CNTNAP2: variants seen among roughly 807,000 people sequenced by gnomAD.
The protein encoded by CNTNAP2 is contactin-associated protein-like 2.
CNTNAP2 carries 98 observed loss-of-function variants against 155.2 expected under a neutral mutation model. That is an observed-to-expected ratio of 0.63 (90% CI 0.54 to 0.75). The LOEUF is 0.75. CNTNAP2 is among the 30% of genes least tolerant of loss of function. The pLI is 0.00. For missense variants in CNTNAP2, 1,727 were observed against 1,688.1 expected (o/e 1.02, Z -0.40); for synonymous variants, 651 against 631.2 (o/e 1.03, Z -0.47).
chr7:147,260,687 G>C (rs1027412309), intron 8 of CNTNAP2, among the ~76,000 whole-genome samples: 1 of 152,136 alleles, frequency 6.6e-6, no homozygotes, highest in African/African-American at 2.4e-5. Context: ...TTCTCATATT[G>C]TACAATGTTC....
rs571065395 is a variant in CNTNAP2 at position 147,015,879 on chromosome 7, C to T, written c.403-28028C>T. Among the ~76,000 whole-genome samples the T allele has an allele frequency of 7.2e-5, 11 of 152,002 alleles. No homozygotes were observed. In the South Asian group the frequency reaches 1.5e-3, roughly 20 times the overall value. ...AGGAAGTAGTGTCTACAGTAAGAAC[C>T]GAGAAGGTAATATACTTGCTCTCAA... On this transcript the variant is annotated intron_variant, in intron 3 of 23. Transcript: ENST00000361727.
intron 1 of CNTNAP2, among the ~76,000 whole-genome samples, chr7:146,579,752 A>G (rs1798582164): frequency 6.6e-6 from 1 of 152,154 alleles, no homozygotes; most frequent in Non-Finnish European, 1.5e-5. Context: ...CCAAAAATAC[A>G]AACGACATTG....
At position 146,131,751 on chromosome 7, in the gene CNTNAP2, G is replaced by A. The variant is rs141290868; in HGVS notation, c.97+14778G>A. Among the ~76,000 whole-genome samples the A allele has an allele frequency of 6.6e-5, 10 of 152,176 alleles. No homozygotes were observed. The East Asian group carries it at 1.9e-3, about 29-fold the overall frequency. On this transcript the variant is annotated intron_variant, in intron 1 of 23. Coordinates refer to ENST00000361727, the MANE Select transcript of CNTNAP2 (RefSeq NM_014141.6). ...TACTAGATGATTATGCATCTGATATGGTTTGGCTCTGTGTCCCCAAACAAA... is the reference window on the plus strand; with the variant it reads ...TACTAGATGATTATGCATCTGATATAGTTTGGCTCTGTGTCCCCAAACAAA...
chr7:148,186,292 A>G (rs942392105), intron 18 of CNTNAP2, among the ~76,000 whole-genome samples: 20 of 152,366 alleles, frequency 1.3e-4, no homozygotes, highest in African/African-American at 4.8e-4. Flanking sequence ...TCACAACAAC[A>G]TTCAGGCATT....
At chr7:147,171,532 T>C (rs542140174) in intron 8 of CNTNAP2, among the ~76,000 whole-genome samples, 1 of 152,318 alleles carries the variant, frequency 6.6e-6, no homozygotes, top group South Asian at 2.1e-4. Context: ...AATCTGTTGG[T>C]TAACCAAATG....
chr7:147,559,598 C>A (rs1035776928), intron 11 of CNTNAP2, among the ~76,000 whole-genome samples: 1 of 152,022 alleles, frequency 6.6e-6, no homozygotes, highest in African/African-American at 2.4e-5. Context: ...AAGAAAAAGA[C>A]AATGATTTAT....
At position 148,415,817 on chromosome 7, in the gene CNTNAP2, A is replaced by C; in HGVS notation, c.*201A>C. ...CCTTTTTAATATTTCTTTATAGCTGAGTTTTCCCTTCTGTATCAAAACAAA... is the reference window on the plus strand; with the variant it reads ...CCTTTTTAATATTTCTTTATAGCTGCGTTTTCCCTTCTGTATCAAAACAAA... On this transcript the variant is annotated 3_prime_UTR_variant, in exon 24 of 24. Transcript: ENST00000361727. The C allele has an allele frequency of 1.6e-6, 1 of 633,598 alleles. No homozygotes were observed. The highest frequency in any genetic ancestry group is 2.7e-6 in the Non-Finnish European group (1 of 369,814). The allele number at this position is 633,598 out of a possible 1,614,324, so 39.2% of individuals were successfully genotyped here.
chr7:148,051,269 C>A (rs1435176633), intron 15 of CNTNAP2, among the ~76,000 whole-genome samples: 1 of 152,118 alleles, frequency 6.6e-6, no homozygotes, highest in Non-Finnish European at 1.5e-5. Context: ...GGCCTATGTT[C>A]TTTTCTCAAT....
chr7:148,217,448 C>T lies in CNTNAP2; in HGVS notation c.3171C>T (p.Thr1057=). ...AQEEIRFSFS[T]TKAPCILLYI... The stretch of plus-strand genomic sequence containing the variant: ...AGGAGATCCGCTTCAGCTTCAGCAC[C>T]ACCAAGGCGCCCTGCATTCTCCTCT... Residue 1057 remains threonine (T), a synonymous_variant, in exon 19 of 24, where the codon ACC becomes ACT. Transcript: ENST00000361727. 6.2e-7 allele frequency: 1 copy of T among 1,614,192 alleles called. No homozygotes were observed. The highest frequency in any genetic ancestry group is 1.7e-5 in the Admixed American group (1 of 60,028).
At chr7:148,097,978 G>T (rs1312874776) in intron 15 of CNTNAP2, among the ~76,000 whole-genome samples, 1 of 152,142 alleles carries the variant, frequency 6.6e-6, no homozygotes, top group Non-Finnish European at 1.5e-5. Context: ...AAAATTACAT[G>T]GATAGAGAAT....
intron 1 of CNTNAP2, among the ~76,000 whole-genome samples, chr7:146,764,531 T>A (rs759577903): frequency 2.4e-4 from 36 of 150,254 alleles, no homozygotes; most frequent in Admixed American, 6.0e-4. Context: ...AAGCTTAATT[T>A]AAAAAAAAAG....
intron 1 of CNTNAP2, among the ~76,000 whole-genome samples, chr7:146,201,891 G>A (rs1046516737): frequency 2.0e-5 from 3 of 151,818 alleles, no homozygotes; most frequent in Admixed American, 6.6e-5. Context: ...TTGGACAGTC[G>A]GTCTTCTTTA....
At position 148,198,100 on chromosome 7, in the gene CNTNAP2, G is replaced by A. The variant is rs76696041; in HGVS notation, c.3011-19188G>A. ...TTCCATGTGAAGGGAACGATGTCAG[G>A]CAGGCTGAGAAGCCTGAGGGTGGCT... is the stretch of plus-strand genomic sequence containing the variant. On this transcript the variant is annotated intron_variant, in intron 18 of 23. Transcript: ENST00000361727. Among the ~76,000 whole-genome samples the A allele has an allele frequency of 9.6e-3, 1,459 of 152,312 alleles. 28 individuals are homozygous for A. The highest frequency in any genetic ancestry group is 0.034 in the African/African-American group (1,400 of 41,554).
rs1491283355 is a variant in CNTNAP2, at chr7:148,416,518, C to CTCTT, written c.*904_*907dup. 1 of 30,732 alleles carries CTCTT rather than the reference C, an allele frequency of 3.3e-5. No homozygotes were observed. Among genetic ancestry groups the CTCTT allele is most frequent in the African/African-American group, 1.1e-4 (1 of 8,774 alleles). 1.9% of individuals were successfully genotyped at this position (30,732 alleles called of 1,614,324 possible). ...AGAGCCAGATGTTATGATTTGTTTG[C>CTCTT]TCTTTTTCTTTTATAGTTTAGTTAT... is the stretch of plus-strand genomic sequence containing the variant. On this transcript the variant is annotated 3_prime_UTR_variant, in exon 24 of 24. Transcript: ENST00000361727.
chr7:146,165,877 GTATTTTAATGGTA>G (rs1798305382), intron 1 of CNTNAP2, among the ~76,000 whole-genome samples: 1 of 152,130 alleles, frequency 6.6e-6, no homozygotes, highest in Admixed American at 6.5e-5. Context: ...TTCCCAACAT[GTATTTTAATGGTA>G]TATCAACCCT....
chr7:146,956,484 G>T (rs1424132011), intron 3 of CNTNAP2, among the ~76,000 whole-genome samples: 1 of 152,152 alleles, frequency 6.6e-6, no homozygotes, highest in Non-Finnish European at 1.5e-5. Flanking sequence ...TTGGGTTTCA[G>T]CTGGGCTTAC....
intron 21 of CNTNAP2, among the ~76,000 whole-genome samples, chr7:148,295,849 A>G (rs1797273949): frequency 1.3e-5 from 2 of 152,114 alleles, no homozygotes; most frequent in Non-Finnish European, 1.5e-5. Context: ...GAATAGAAAA[A>G]AAAGCAGTGA....
intron 14 of CNTNAP2, among the ~76,000 whole-genome samples, chr7:147,942,925 T>C (rs1800750808): frequency 6.6e-6 from 1 of 151,960 alleles, no homozygotes; most frequent in Non-Finnish European, 1.5e-5. Flanking sequence ...TAGTCCCAGC[T>C]ACTCGGGAGG....
intron 20 of CNTNAP2, among the ~76,000 whole-genome samples, chr7:148,258,185 A>T: frequency 6.6e-6 from 1 of 152,190 alleles, no homozygotes; most frequent in East Asian, 1.9e-4. Flanking sequence ...GAGCCCACTG[A>T]TCAGTGTTTA....
Sources: allele counts gnomAD v4.1 joint callset (sites outside exome capture counted in the v4.1 genomes callset), GRCh38; gene constraint gnomAD v4.1.1; transcripts MANE v1.5; gene names NCBI Gene and HGNC (gene_info 2026-07-23, HGNC 2026-07-21).